Variants in POU2AF1 observed in about 807,000 individuals in gnomAD.
POU2AF1 encodes the protein POU domain class 2-associating factor 1.
In POU2AF1, 12 loss-of-function variants were observed where a neutral mutation model predicts 26.3. The ratio of observed to expected loss-of-function variants is 0.46; its 90% CI spans 0.29 to 0.74. The LOEUF is 0.74. Among genes scored for constraint, POU2AF1 ranks in the 30% least tolerant of loss-of-function variants. The pLI, the probability that POU2AF1 is intolerant of heterozygous loss-of-function variation, is 0.09. For synonymous variants in POU2AF1, 175 were observed against 148.0 expected, an observed-to-expected ratio of 1.18 and a Z score of -1.32; for missense variants, 297 against 334.5, an observed-to-expected ratio of 0.89 and a Z score of 0.87.
intron 1 of POU2AF1, among the ~76,000 whole-genome samples, chr11:111,378,512 C>T (rs892347592): frequency 2.0e-5 from 3 of 152,118 alleles, no homozygotes; most frequent in Non-Finnish European, 2.9e-5. Context: ...CATCCAACTC[C>T]GGGGATAAAA....
chr11:111,352,941 C>A lies in POU2AF1; in HGVS notation c.*1320G>T, dbSNP rs187016132. The A allele has an allele frequency of 7.3e-3, 1,095 of 150,104 alleles. 7 individuals are homozygous for A. The highest frequency in any genetic ancestry group is 0.018 in the Middle Eastern group (7 of 380). 9.3% of individuals were successfully genotyped at this position (150,104 alleles called of 1,614,324 possible). A position where few individuals can be genotyped will look rare whatever the true frequency, so the allele number is the denominator to read the frequency against. On this transcript the variant is annotated 3_prime_UTR_variant, in exon 5 of 5. Transcript: ENST00000393067. ...GAGTGAGACTCCGTCCCAAAAAAAACCAAAAAAAAGAAAGAAAGAGAGAGG... is the reference window on the plus strand; with the variant it reads ...GAGTGAGACTCCGTCCCAAAAAAAAACAAAAAAAAGAAAGAAAGAGAGAGG...
chr11:111,375,590 G>A (rs1351973137), intron 1 of POU2AF1, among the ~76,000 whole-genome samples: 1 of 151,678 alleles, frequency 6.6e-6, no homozygotes, highest in Non-Finnish European at 1.5e-5. Flanking sequence ...TAGTAGAGAC[G>A]GGGTTTCACC....
intron 1 of POU2AF1, among the ~76,000 whole-genome samples, chr11:111,373,511 A>G (rs1861251382): frequency 6.6e-6 from 1 of 152,244 alleles, no homozygotes; most frequent in African/African-American, 2.4e-5. Context: ...CCCATCTATT[A>G]AATTAAGGAC....
intron 1 of POU2AF1, among the ~76,000 whole-genome samples, chr11:111,367,264 T>C (rs1233473993): frequency 6.6e-6 from 1 of 152,094 alleles, no homozygotes; most frequent in African/African-American, 2.4e-5. Context: ...GGGACTCAGG[T>C]CTGTTGAATG....
At chr11:111,359,922 T>G in intron 1 of POU2AF1, 1 of 518,902 alleles carries the variant, frequency 1.9e-6, no homozygotes, top group South Asian at 1.4e-5. Flanking sequence ...TTGAGGCAAG[T>G]GGCTCCCAGG....
chr11:111,358,621 TAC>T (rs1421046704), intron 2 of POU2AF1, among the ~76,000 whole-genome samples, 165 bp downstream of exon 2: 2 of 78,294 alleles, frequency 2.6e-5, no homozygotes, highest in African/African-American at 3.8e-5. Flanking sequence ...CTGACGCAGA[TAC>T]ACATTCTCTC....
intron 1 of POU2AF1, among the ~76,000 whole-genome samples, chr11:111,365,848 A>T (rs1861095168): frequency 1.6e-5 from 2 of 121,714 alleles, no homozygotes; most frequent in South Asian, 4.9e-4. Flanking sequence ...CAGGAGCGAA[A>T]CTCCATCTCA....
At chr11:111,356,962 C>T (rs1860857852) in intron 4 of POU2AF1, among the ~76,000 whole-genome samples, 1 of 152,216 alleles carries the variant, frequency 6.6e-6, no homozygotes, top group Non-Finnish European at 1.5e-5. Flanking sequence ...TAAAAAATTA[C>T]CCCACACGTG....
chr11:111,363,678 C>T (rs1861052929), intron 1 of POU2AF1, among the ~76,000 whole-genome samples: 1 of 152,074 alleles, frequency 6.6e-6, no homozygotes, highest in South Asian at 2.1e-4. Flanking sequence ...AATAAAAAAT[C>T]CAAAGAAAAT....
At chr11:111,372,407 A>C (rs938718457) in intron 1 of POU2AF1, among the ~76,000 whole-genome samples, 1 of 79,544 alleles carries the variant, frequency 1.3e-5, no homozygotes, top group East Asian at 2.3e-4. Context: ...TACCATCTGC[A>C]GGGCTTTTTT....
chr11:111,371,135 G>T (rs1253212553), intron 1 of POU2AF1, among the ~76,000 whole-genome samples: 1 of 152,116 alleles, frequency 6.6e-6, no homozygotes, highest in Non-Finnish European at 1.5e-5. Context: ...ACAATGTCCT[G>T]TATGCTTGCT....
At chr11:111,366,322 A>T (rs1414075353) in intron 1 of POU2AF1, among the ~76,000 whole-genome samples, 2 of 152,236 alleles carry the variant, frequency 1.3e-5, no homozygotes, top group Non-Finnish European at 2.9e-5. Context: ...GATGATACCC[A>T]GGACAGAGGA....
chr11:111,379,054 C>T (rs1456687887), intron 1 of POU2AF1, 108 bp downstream of exon 1: 4 of 1,384,164 alleles, frequency 2.9e-6, no homozygotes, highest in Non-Finnish European at 4.1e-6. Flanking sequence ...CCCCTCCCCC[C>T]GTGGCCCCAT....
At chr11:111,359,783 T>C (rs1860969941) in intron 1 of POU2AF1, among the ~76,000 whole-genome samples, 1 of 152,240 alleles carries the variant, frequency 6.6e-6, no homozygotes, top group Admixed American at 6.5e-5. Flanking sequence ...GTACCTTATT[T>C]CTCTATGTCT....
chr11:111,369,809 G>C (rs1258154365), intron 1 of POU2AF1, among the ~76,000 whole-genome samples: 1 of 152,160 alleles, frequency 6.6e-6, no homozygotes, highest in Non-Finnish European at 1.5e-5. Context: ...AGAGGAAAGG[G>C]CTGTCTCTTT....
intron 2 of POU2AF1, 42 bp downstream of exon 2, chr11:111,358,746 T>A (rs1860941770): frequency 2.0e-6 from 3 of 1,520,800 alleles, no homozygotes; most frequent in Non-Finnish European, 2.7e-6. Flanking sequence ...ACATTCTCTT[T>A]CACACACACA....
chr11:111,364,822 G>A (rs140925392), intron 1 of POU2AF1, among the ~76,000 whole-genome samples: 14 of 152,352 alleles, frequency 9.2e-5, no homozygotes, highest in African/African-American at 3.4e-4. Context: ...CCACAGTGAG[G>A]GATGGAGCAG....
chr11:111,373,366 T>C (rs1231808002), intron 1 of POU2AF1, among the ~76,000 whole-genome samples: 1 of 152,168 alleles, frequency 6.6e-6, no homozygotes, highest in Non-Finnish European at 1.5e-5. Flanking sequence ...CATTTGCAGC[T>C]CTCCTTCAAT....
intron 1 of POU2AF1, among the ~76,000 whole-genome samples, chr11:111,370,691 T>G (rs144616067): frequency 1.3e-3 from 205 of 152,322 alleles, no homozygotes; most frequent in African/African-American, 4.9e-3. Flanking sequence ...GTAGCAAAAA[T>G]GTTATAGACA....
Sources: gnomAD v4.1 joint callset for allele counts (sites outside exome capture counted in the v4.1 genomes callset) on GRCh38, gnomAD v4.1.1 for gene constraint, MANE v1.5 for transcripts, NCBI Gene and HGNC (gene_info 2026-07-23, HGNC 2026-07-21) for gene names.